Variants in SLC25A48 observed in about 807,000 individuals in gnomAD.
The protein encoded by SLC25A48 is solute carrier family 25 member 48, also known as CTC-321K16.1.
In SLC25A48, 29 loss-of-function variants were observed where a neutral mutation model predicts 32.2. The observed-to-expected ratio is 0.90, with a 90% CI of 0.67 to 1.23. The LOEUF (loss-of-function observed/expected upper bound fraction) is 1.23. SLC25A48 is among the 50% of genes most tolerant of loss of function. SLC25A48 has a pLI of 0.00. For missense variants in SLC25A48, 399 were observed against 422.7 expected (o/e 0.94, Z 0.49); for synonymous variants, 164 against 172.3 (o/e 0.95, Z 0.38).
At chr5:135,723,092 T>C (rs1328447414) in intron 3 of SLC25A48, among the ~76,000 whole-genome samples, 2 of 152,172 alleles carry the variant, frequency 1.3e-5, no homozygotes, top group Non-Finnish European at 2.9e-5. Context: ...CCAGCCCCTG[T>C]GCACCCATAC....
chr5:135,789,741 G>C (rs1366489959), intron 3 of SLC25A48, among the ~76,000 whole-genome samples: 1 of 151,660 alleles, frequency 6.6e-6, no homozygotes, highest in Non-Finnish European at 1.5e-5. Context: ...ATTAAGGGGG[G>C]ATAGCCTGGT....
At position 135,743,755 on chromosome 5, in the gene SLC25A48, G is replaced by C. The variant is rs73789116; in HGVS notation, c.-520-68768G>C. Among the ~76,000 whole-genome samples the C allele has an allele frequency of 9.7e-3, 1,474 of 152,254 alleles. 31 individuals are homozygous for C. The highest frequency in any genetic ancestry group is 0.033 in the African/African-American group (1,386 of 41,526). ...TACATTAACTAGACCCCTGCAAAAGGCCAAAGGCCTCATGCATCTCCATCG... is the reference window on the plus strand; with the variant it reads ...TACATTAACTAGACCCCTGCAAAAGCCCAAAGGCCTCATGCATCTCCATCG... On this transcript the variant is annotated intron_variant, in intron 3 of 10. Transcript: ENST00000646290.
At chr5:135,883,140 C>T (rs1230818324) in intron 7 of SLC25A48, 1 of 985,378 alleles carries the variant, frequency 1.0e-6, no homozygotes, top group Non-Finnish European at 1.2e-6. Flanking sequence ...GAAAGACTCT[C>T]CACCAGGTGG....
chr5:135,816,005 C>G (rs1022932939), intron 4 of SLC25A48, among the ~76,000 whole-genome samples: 1 of 152,154 alleles, frequency 6.6e-6, no homozygotes, highest in African/African-American at 2.4e-5. Flanking sequence ...TTCCATATGG[C>G]TGGGGAGGCC....
At chr5:135,828,271 G>A (rs1022341476) in intron 4 of SLC25A48, among the ~76,000 whole-genome samples, 5 of 152,234 alleles carry the variant, frequency 3.3e-5, no homozygotes, top group African/African-American at 9.6e-5. Flanking sequence ...TGCTAACACA[G>A]ACGTGAACAC....
intron 3 of SLC25A48, among the ~76,000 whole-genome samples, chr5:135,738,466 G>T (rs745801680): frequency 2.6e-5 from 4 of 151,970 alleles, no homozygotes; most frequent in Non-Finnish European, 5.9e-5. Context: ...GCTGCAGAAG[G>T]TGGAGGGATG....
At chr5:135,807,313 T>C (rs1026310708) in intron 3 of SLC25A48, among the ~76,000 whole-genome samples, 2 of 146,142 alleles carry the variant, frequency 1.4e-5, no homozygotes, top group Non-Finnish European at 3.0e-5. Flanking sequence ...TTTCTTAATA[T>C]CATAGCATGT....
At chr5:135,874,604 G>A (rs1161708352) in intron 6 of SLC25A48, 2 of 666,050 alleles carry the variant, frequency 3.0e-6, no homozygotes, top group Admixed American at 2.2e-5. Context: ...CAGGCCCTGT[G>A]AACTGCCTTC....
At chr5:135,883,077 A>G (rs1762591722) in intron 7 of SLC25A48, 1 of 985,346 alleles carries the variant, frequency 1.0e-6, no homozygotes, top group Non-Finnish European at 1.2e-6. Flanking sequence ...CATCCCATTA[A>G]CAGGTCAATG....
chr5:135,818,572 C>G (rs1464371585), intron 4 of SLC25A48, among the ~76,000 whole-genome samples: 1 of 152,162 alleles, frequency 6.6e-6, no homozygotes, highest in Non-Finnish European at 1.5e-5. Flanking sequence ...GCAGCTCAAA[C>G]CTAACTAAAT....
intron 3 of SLC25A48, among the ~76,000 whole-genome samples, chr5:135,639,796 C>A (rs1296421395): frequency 6.6e-6 from 1 of 152,016 alleles, no homozygotes; most frequent in Non-Finnish European, 1.5e-5. Context: ...TCAAGAGGAC[C>A]CACCAATGAC....
chr5:135,608,962 C>A (rs1220073821), intron 1 of SLC25A48, among the ~76,000 whole-genome samples: 1 of 152,192 alleles, frequency 6.6e-6, no homozygotes, highest in Admixed American at 6.5e-5. Flanking sequence ...CTATGGATAT[C>A]TGCCATGTTG....
At chr5:135,636,333 T>TA (rs143181669) in intron 3 of SLC25A48, among the ~76,000 whole-genome samples, 1,744 of 152,264 alleles carry the variant, frequency 0.011, 14 homozygotes, top group Non-Finnish European at 0.019. Context: ...CCAAGACTCT[T>TA]AAGTATTTTG....
chr5:135,740,270 T>C (rs1755470428), intron 3 of SLC25A48, among the ~76,000 whole-genome samples: 1 of 152,108 alleles, frequency 6.6e-6, no homozygotes, highest in African/African-American at 2.4e-5. Context: ...CTCGGCTCAC[T>C]GCAACCTCTG....
intron 1 of SLC25A48, among the ~76,000 whole-genome samples, chr5:135,580,265 A>C (rs1041175919): frequency 6.6e-6 from 1 of 152,008 alleles, no homozygotes; most frequent in African/African-American, 2.4e-5. Flanking sequence ...TCCCTGGACC[A>C]CTCTGTTGCT....
chr5:135,767,736 G>T (rs1756280956), intron 3 of SLC25A48, among the ~76,000 whole-genome samples: 2 of 151,580 alleles, frequency 1.3e-5, no homozygotes, highest in Non-Finnish European at 2.9e-5. Flanking sequence ...TCTAGTGGGG[G>T]GAGTGGATGA....
chr5:135,638,405 G>GT (rs1310739376), intron 3 of SLC25A48, among the ~76,000 whole-genome samples: 3 of 62,596 alleles, frequency 4.8e-5, no homozygotes, highest in South Asian at 8.8e-4. Context: ...TATTTGGTAG[G>GT]TGGGGGAGGG....
Position 135,842,407 on chromosome 5 carries a change from G to C in SLC25A48, c.47-9G>C, listed in dbSNP as rs746710183. 2.3e-5 allele frequency: 37 copies of C among 1,613,628 alleles called. No individual in the cohort carries two copies. Among genetic ancestry groups the C allele is most frequent in the Non-Finnish European group, 3.1e-5 (36 of 1,179,738 alleles). Reference sequence around the variant, plus strand: ...GCTGAGTTACTAGGCATTCTTTTTTGATCCACAGGTGCAGCCAGTGTCATC... The same window carrying C: ...GCTGAGTTACTAGGCATTCTTTTTTCATCCACAGGTGCAGCCAGTGTCATC... On this transcript the variant is annotated splice_polypyrimidine_tract_variant and intron_variant, in intron 1 of 7. Coordinates refer to ENST00000681962, the MANE Select transcript of SLC25A48 (RefSeq NM_001349336.2).
rs975935313 is a variant in SLC25A48, at chr5:135,596,671, T to C, written c.-849+17074T>C. 2.6e-5 allele frequency among the ~76,000 whole-genome samples: 4 copies of C among 152,152 alleles called. No individual in the cohort carries two copies. The East Asian group carries it at 7.7e-4, about 29-fold the overall frequency. ...AGCCCCTTCTTGCCTGCAATCTCCA[T>C]TTGCCACCCCCTCCATTCTTGAATT... On this transcript the variant is annotated intron_variant, in intron 1 of 10. Coordinates refer to the SLC25A48 transcript ENST00000646290.
Sources: allele counts gnomAD v4.1 joint callset (sites outside exome capture counted in the v4.1 genomes callset), GRCh38; gene constraint gnomAD v4.1.1; transcripts MANE v1.5; gene names NCBI Gene and HGNC (gene_info 2026-07-23, HGNC 2026-07-21).